NSFL1C: variants seen among roughly 807,000 people sequenced by gnomAD.
NSFL1C encodes NSFL1 cofactor.
A neutral mutation model predicts 43.1 loss-of-function variants in NSFL1C; 14 were observed. The ratio of observed to expected loss-of-function variants is 0.32; its 90% CI spans 0.21 to 0.51. NSFL1C has a LOEUF of 0.51. NSFL1C is among the 20% of genes least tolerant of loss of function. The pLI is 0.98. For synonymous variants in NSFL1C, 171 were observed against 183.5 expected, an observed-to-expected ratio of 0.93 and a Z score of 0.55; for missense variants, 406 against 472.5, an observed-to-expected ratio of 0.86 and a Z score of 1.30.
intron 3 of NSFL1C, chr20:1,455,788 C>T (rs2090286635): frequency 2.6e-6 from 2 of 777,508 alleles, no homozygotes; most frequent in East Asian, 4.9e-5. Context: ...GTAATGCACA[C>T]AGGTAAGGTG....
At chr20:1,465,046 C>A (rs1469848602) in intron 1 of NSFL1C, among the ~76,000 whole-genome samples, 1 of 152,154 alleles carries the variant, frequency 6.6e-6, no homozygotes, top group Non-Finnish European at 1.5e-5. Context: ...TCTCACCAAC[C>A]TGCACACTGG....
At chr20:1,443,939 G>A (rs1458084937) in intron 8 of NSFL1C, 28 bp from the exon 9 acceptor site, 2 of 1,598,290 alleles carry the variant, frequency 1.3e-6, no homozygotes, top group Non-Finnish European at 8.5e-7. Context: ...GCGGTGAGCA[G>A]TGCCATCCTC....
chr20:1,448,185 C>A (rs1413743046), intron 7 of NSFL1C, among the ~76,000 whole-genome samples: 1 of 152,224 alleles, frequency 6.6e-6, no homozygotes, highest in Non-Finnish European at 1.5e-5. Flanking sequence ...CTTACCACAG[C>A]TCCACGCCTT....
At chr20:1,455,167 C>CA (rs766021698) in intron 3 of NSFL1C, 35 bp from the exon 4 acceptor site, 2 of 1,612,330 alleles carry the variant, frequency 1.2e-6, no homozygotes, top group Admixed American at 3.3e-5. Flanking sequence ...ATGAAACACT[C>CA]ATGGAAAACA....
chr20:1,445,087 TC>T (rs2090030832), intron 8 of NSFL1C, among the ~76,000 whole-genome samples: 2 of 152,224 alleles, frequency 1.3e-5, no homozygotes, highest in African/African-American at 4.8e-5. Context: ...CTAGCACCTC[TC>T]CTACTAGTCT....
Position 1,446,528 on chromosome 20 carries a change from G to T in NSFL1C, c.786-698C>A, listed in dbSNP as rs144052793. On this transcript the variant is annotated intron_variant, in intron 7 of 8. Coordinates refer to ENST00000216879, the MANE Select transcript of NSFL1C (RefSeq NM_016143.5). ...AGATTTCATATCTCAGAATCACATG[G>T]ACCAGGGTTTGAATTACTCAAGCAC... Among the ~76,000 whole-genome samples, 773 of 152,324 alleles carry T rather than the reference G, an allele frequency of 5.1e-3. 28 individuals carry two copies. The highest frequency in any genetic ancestry group is 0.044 in the Admixed American group (681 of 15,310).
At chr20:1,455,691 G>C (rs559890748) in intron 3 of NSFL1C, 43 of 779,714 alleles carry the variant, frequency 5.5e-5, no homozygotes, top group Non-Finnish European at 2.4e-6. Context: ...AAACGGGAGG[G>C]AAGGACCACA....
At chr20:1,461,620 A>G (rs527449782) in intron 2 of NSFL1C, among the ~76,000 whole-genome samples, 5 of 152,352 alleles carry the variant, frequency 3.3e-5, no homozygotes, top group Admixed American at 3.3e-4. Context: ...AATGTCCACA[A>G]GAAGAGGCAG....
chr20:1,459,600 G>C (rs1416135775), intron 2 of NSFL1C, among the ~76,000 whole-genome samples: 1 of 152,154 alleles, frequency 6.6e-6, no homozygotes, highest in East Asian at 1.9e-4. Context: ...TTATTTCAAG[G>C]AGACAATCAG....
chr20:1,448,948 G>C (rs2090128173), intron 7 of NSFL1C, among the ~76,000 whole-genome samples: 1 of 152,184 alleles, frequency 6.6e-6, no homozygotes, highest in African/African-American at 2.4e-5. Flanking sequence ...ATAAAACAGA[G>C]TTAAAACTTC....
In NSFL1C at chr20:1,453,078, G is replaced by A. The variant is rs752941976; in HGVS notation, c.600C>T (p.Ser200=). 4.3e-6 allele frequency: 7 copies of A among 1,613,530 alleles called. No homozygotes were observed. The highest frequency in any genetic ancestry group is 5.9e-6 in the Non-Finnish European group (7 of 1,179,584). ...GFSLDNGELR[S]YQDPSNAQFL... is the part of the protein sequence containing the mutation. The stretch of plus-strand genomic sequence containing the variant: ...ACTGGGCATTGGATGGGTCTTGGTA[G>A]CTTCTGAGTTCTCCATTATCCAGGC... Residue 200 remains serine, a synonymous_variant, in exon 6 of 9, where the codon AGC becomes AGT. Transcript: ENST00000216879.
chr20:1,450,790 T>A (rs748456289), intron 7 of NSFL1C, among the ~76,000 whole-genome samples: 7 of 152,226 alleles, frequency 4.6e-5, no homozygotes, highest in Non-Finnish European at 8.8e-5. Flanking sequence ...ATGTTGTAAT[T>A]CTGGTAGCTG....
In NSFL1C at chr20:1,443,355, C is replaced by T. The variant is rs2089989453; in HGVS notation, c.*394G>A. ...ATCTGTGGGGCTGGCGGGTGGGACA[C>T]ACTAGTGAATAAGCATTGTGTGCCA... On this transcript the variant is annotated 3_prime_UTR_variant, in exon 9 of 9. Transcript: ENST00000216879. 6.1e-6 allele frequency: 1 copy of T among 163,024 alleles called. No homozygotes were observed. The highest frequency in any genetic ancestry group is 5.9e-5 in the Admixed American group (1 of 16,808). 10.1% of individuals were successfully genotyped at this position (163,024 alleles called of 1,614,324 possible). A position where few individuals can be genotyped will look rare whatever the true frequency, so the allele number is the denominator to read the frequency against.
intron 1 of NSFL1C, among the ~76,000 whole-genome samples, 195 bp downstream of exon 1, chr20:1,466,525 G>C (rs2090516139): frequency 6.6e-6 from 1 of 152,232 alleles, no homozygotes; most frequent in African/African-American, 2.4e-5. Flanking sequence ...AGAACTGGCT[G>C]GGGCTGGCCC....
chr20:1,465,375 T>C (rs569466518), intron 1 of NSFL1C, among the ~76,000 whole-genome samples: 26 of 152,354 alleles, frequency 1.7e-4, no homozygotes, highest in African/African-American at 5.8e-4. Context: ...ATTCAAGTCC[T>C]GTTCCTGCCA....
intron 2 of NSFL1C, among the ~76,000 whole-genome samples, chr20:1,459,097 C>A (rs887066169): frequency 3.3e-5 from 5 of 152,088 alleles, no homozygotes; most frequent in African/African-American, 1.2e-4. Flanking sequence ...TAAAAAAATT[C>A]TGTATTTCTT....
At chr20:1,445,637 A>C in intron 8 of NSFL1C, 29 bp downstream of exon 8, 1 of 1,610,304 alleles carries the variant, frequency 6.2e-7, no homozygotes, top group Non-Finnish European at 8.5e-7. Context: ...ACACTCCTAG[A>C]ATAAGCTAGG....
intron 1 of NSFL1C, among the ~76,000 whole-genome samples, chr20:1,464,980 T>G (rs1416801581): frequency 3.3e-5 from 5 of 152,170 alleles, no homozygotes; most frequent in Admixed American, 2.6e-4. Context: ...TCAGTCCAGG[T>G]TGCTACTTTT....
In NSFL1C at chr20:1,442,442, GAA is replaced by G. The variant is rs1486886602; in HGVS notation, c.*1305_*1306del. 2.6e-5 allele frequency: 4 copies of G among 152,272 alleles called. No individual in the cohort carries two copies. The highest frequency in any genetic ancestry group is 4.4e-5 in the Non-Finnish European group (3 of 68,082). 9.4% of individuals were successfully genotyped at this position (152,272 alleles called of 1,614,324 possible). A position where few individuals can be genotyped will look rare whatever the true frequency, so the allele number is the denominator to read the frequency against. The stretch of plus-strand genomic sequence containing the variant: ...CATTGCAGGGGTGAAGCAGGAAAGA[GAA>G]AGAGACTGGTGAGGCCTGCTTGGAA... On this transcript the variant is annotated 3_prime_UTR_variant, in exon 9 of 9. Coordinates refer to ENST00000216879, the MANE Select transcript of NSFL1C (RefSeq NM_016143.5).
Sources: allele counts gnomAD v4.1 joint callset (sites outside exome capture counted in the v4.1 genomes callset), GRCh38; gene constraint gnomAD v4.1.1; transcripts MANE v1.5; gene names NCBI Gene and HGNC (gene_info 2026-07-23, HGNC 2026-07-21).